Variants in FIRRM observed in about 807,000 individuals in gnomAD.
FIRRM encodes the protein FIGNL1 interacting regulator of recombination and mitosis.
the FIRRM span, chr1:169,849,708 A>G: frequency 3.2e-5 from 28 of 863,594 alleles, no homozygotes; most frequent in Non-Finnish European, 5.1e-5. Flanking sequence ...CTGTATTGCA[A>G]TCGGAAAATT....
the FIRRM span, among the ~76,000 whole-genome samples, chr1:169,791,360 A>G: frequency 2.6e-5 from 4 of 152,372 alleles, no homozygotes; most frequent in Non-Finnish European, 5.9e-5. Context: ...TATGCTTTTT[A>G]ATAATGTATA....
the FIRRM span, chr1:169,793,394 T>A: frequency 6.2e-7 from 1 of 1,614,240 alleles, no homozygotes; most frequent in South Asian, 1.1e-5. Context: ...AGCATGCTCT[T>A]TGGCAGCTCT....
At chr1:169,795,537 T>G in the FIRRM span, 1 of 1,088,234 alleles carries the variant, frequency 9.2e-7, no homozygotes, top group Non-Finnish European at 1.1e-6. Context: ...TAAATACTTT[T>G]GCTAGTGGAT....
chr1:169,839,624 T>G, the FIRRM span, among the ~76,000 whole-genome samples: 1 of 152,238 alleles, frequency 6.6e-6, no homozygotes, highest in Non-Finnish European at 1.5e-5. Flanking sequence ...TTTAAGTTCC[T>G]TATAGATTCT....
the FIRRM span, chr1:169,795,015 C>G: frequency 8.2e-5 from 85 of 1,036,756 alleles, no homozygotes; most frequent in Non-Finnish European, 1.1e-4. Context: ...TTGGAGCCGG[C>G]GGAGAGCGCG....
chr1:169,797,706 G>A, the FIRRM span, among the ~76,000 whole-genome samples: 3 of 151,986 alleles, frequency 2.0e-5, no homozygotes, highest in African/African-American at 7.2e-5. Flanking sequence ...CACCATGCCC[G>A]GCTAATTTTT....
the FIRRM span, among the ~76,000 whole-genome samples, chr1:169,790,113 T>C: frequency 2.6e-5 from 4 of 152,198 alleles, no homozygotes; most frequent in Non-Finnish European, 5.9e-5. Flanking sequence ...AAGTCCCTTT[T>C]GCTGCCAGCT....
chr1:169,847,626 G>A, the FIRRM span: 1 of 1,184,446 alleles, frequency 8.4e-7, no homozygotes, highest in East Asian at 2.4e-5. Context: ...ATCTTAGGCA[G>A]TTATTGTGTC....
chr1:169,799,009 G>A, the FIRRM span: 4 of 723,968 alleles, frequency 5.5e-6, no homozygotes, highest in Admixed American at 5.1e-5. Context: ...TAAGGTCCGA[G>A]TCCCCACATA....
the FIRRM span, chr1:169,792,613 C>A: frequency 6.3e-7 from 1 of 1,576,352 alleles, no homozygotes. Flanking sequence ...CAATTATGAA[C>A]CTCTTCAATC....
At chr1:169,800,860 A>G in the FIRRM span, 1 of 1,249,290 alleles carries the variant, frequency 8.0e-7, no homozygotes, top group Non-Finnish European at 1.2e-6. Context: ...ATATTTTTAT[A>G]AAATTTGTTA....
chr1:169,788,982 C>T, the FIRRM span, among the ~76,000 whole-genome samples: 1 of 152,172 alleles, frequency 6.6e-6, no homozygotes, highest in South Asian at 2.1e-4. Context: ...AGCTAGTAGT[C>T]ATAAATGTAC....
chr1:169,803,082 T>C, the FIRRM span: 1 of 1,192,476 alleles, frequency 8.4e-7, no homozygotes, highest in Non-Finnish European at 1.2e-6. Context: ...TGTTCATTGC[T>C]GTATTTGTAG....
chr1:169,853,934 G>C, the FIRRM span: 1 of 779,760 alleles, frequency 1.3e-6, no homozygotes, highest in African/African-American at 1.8e-5. Flanking sequence ...AAGTTGAAAA[G>C]TAGGATTACA....
At chr1:169,836,090 G>A in the FIRRM span, among the ~76,000 whole-genome samples, 1 of 137,892 alleles carries the variant, frequency 7.3e-6, no homozygotes, top group Non-Finnish European at 1.6e-5. Context: ...TTTAGTTTTT[G>A]GTATGGGAAA....
chr1:169,794,413 A>C, the FIRRM span, among the ~76,000 whole-genome samples: 2 of 152,176 alleles, frequency 1.3e-5, no homozygotes, highest in Admixed American at 6.5e-5. Flanking sequence ...AGCAGCCCTA[A>C]GTGTATAGAA....
the FIRRM span, among the ~76,000 whole-genome samples, chr1:169,785,392 C>G: frequency 6.6e-6 from 1 of 152,198 alleles, no homozygotes; most frequent in Non-Finnish European, 1.5e-5. Flanking sequence ...GTACCCAGGT[C>G]CTTGTCTGGC....
At chr1:169,820,799 C>A in the FIRRM span, among the ~76,000 whole-genome samples, 2 of 151,962 alleles carry the variant, frequency 1.3e-5, no homozygotes, top group African/African-American at 2.4e-5. Context: ...ACAGGGTTTG[C>A]CAGGAAGTTA....
the FIRRM span, among the ~76,000 whole-genome samples, chr1:169,801,471 C>CTTATATTT: frequency 1.6e-5 from 2 of 124,782 alleles, no homozygotes; most frequent in Non-Finnish European, 3.4e-5. Context: ...AAAAAAAGAA[C>CTTATATTT]TTATATTTTC....
Sources: gnomAD v4.1 joint callset for allele counts (sites outside exome capture counted in the v4.1 genomes callset) on GRCh38, gnomAD v4.1.1 for gene constraint, MANE v1.5 for transcripts, NCBI Gene and HGNC (gene_info 2026-07-23, HGNC 2026-07-21) for gene names.